The following SREK1 variants were observed in gnomAD, a reference collection of about 807,000 sequenced individuals.
SREK1 encodes the protein splicing regulatory glutamine/lysine-rich protein 1.
SREK1 carries 13 observed loss-of-function variants against 66.5 expected under a neutral mutation model. The observed-to-expected ratio is 0.20, with a 90% CI of 0.13 to 0.31. The LOEUF is 0.31. Among genes scored for constraint, SREK1 ranks in the 10% least tolerant of loss-of-function variants. SREK1 has a pLI of 1.00. For missense variants in SREK1, 607 were observed against 769.6 expected, an observed-to-expected ratio of 0.79 and a Z score of 2.50; for synonymous variants, 265 against 263.5, an observed-to-expected ratio of 1.01 and a Z score of -0.05.
At chr5:66,174,077 A>G (rs1745864177) in intron 9 of SREK1, among the ~76,000 whole-genome samples, 1 of 150,128 alleles carries the variant, frequency 6.7e-6, no homozygotes, top group Non-Finnish European at 1.5e-5. Context: ...CATGAATTCC[A>G]GAGGATTTGG....
intron 10 of SREK1, among the ~76,000 whole-genome samples, chr5:66,175,610 ATTG>A (rs1364724730): frequency 2.0e-5 from 3 of 152,176 alleles, no homozygotes; most frequent in Non-Finnish European, 4.4e-5. Context: ...AAGAAATGGC[ATTG>A]TTAAGTTAGA....
At chr5:66,163,506 T>G (rs1364389706) in intron 5 of SREK1, 5 of 236,550 alleles carry the variant, frequency 2.1e-5, no homozygotes, top group Non-Finnish European at 4.2e-5. Flanking sequence ...TAATTTATTT[T>G]AATTCTAAGC....
At chr5:66,146,507 T>C (rs1743204895) in intron 1 of SREK1, among the ~76,000 whole-genome samples, 1 of 152,150 alleles carries the variant, frequency 6.6e-6, no homozygotes. Context: ...GGTAGTGTAT[T>C]TCACAAACTG....
At chr5:66,163,589 T>C in intron 5 of SREK1, 1 of 402,122 alleles carries the variant, frequency 2.5e-6, no homozygotes, top group Non-Finnish European at 4.3e-6. Flanking sequence ...CTCCCTGCTT[T>C]TGGTTGTATT....
chr5:66,167,161 C>T (rs1745243894), intron 7 of SREK1: 1 of 152,188 alleles, frequency 6.6e-6, no homozygotes, highest in Admixed American at 6.5e-5. Context: ...TCCCAACCCT[C>T]CCCCACAGCC....
chr5:66,177,809 T>G, intron 11 of SREK1, 151 bp downstream of exon 11: 1 of 608,474 alleles, frequency 1.6e-6, no homozygotes, highest in Non-Finnish European at 2.5e-6. Context: ...AATTGGTAAT[T>G]TAAAAAAACT....
At chr5:66,177,031 T>A (rs1395957247) in intron 10 of SREK1, among the ~76,000 whole-genome samples, 1 of 152,112 alleles carries the variant, frequency 6.6e-6, no homozygotes, top group East Asian at 1.9e-4. Context: ...AACTTTTCTC[T>A]TATGAACTGA....
chr5:66,149,260 G>GA (rs1424991079), intron 1 of SREK1, among the ~76,000 whole-genome samples: 1 of 152,046 alleles, frequency 6.6e-6, no homozygotes, highest in Non-Finnish European at 1.5e-5. Context: ...GGCGGCAGGA[G>GA]AATCGCATGA....
intron 9 of SREK1, among the ~76,000 whole-genome samples, chr5:66,173,457 G>C (rs886739263): frequency 2.0e-5 from 3 of 152,106 alleles, no homozygotes; most frequent in African/African-American, 7.2e-5. Context: ...ATTATTAATT[G>C]TCTTTATTTT....
intron 3 of SREK1, 52 bp downstream of exon 3, chr5:66,159,386 C>A: frequency 7.0e-7 from 1 of 1,430,686 alleles, no homozygotes; most frequent in Non-Finnish European, 9.5e-7. Context: ...ACTGTGTGAC[C>A]AGTTGAATAG....
chr5:66,178,732 A>G lies in SREK1; in HGVS notation c.1739A>G (p.Asn580Ser), dbSNP rs140648529. 16,087 of 1,610,590 alleles carry G rather than the reference A, an allele frequency of 1.0e-2. 92 individuals carry two copies. The highest frequency in any genetic ancestry group is 0.012 in the Non-Finnish European group (13,964 of 1,177,800). Reference sequence around the variant, plus strand: ...TACTCATTGTAGGAGAAAGAGCACAATAAAGAACCAGATTCAAGTGTGAGC... The same window carrying G: ...TACTCATTGTAGGAGAAAGAGCACAGTAAAGAACCAGATTCAAGTGTGAGC... ...NSTSLKEKEH[N>S]KEPDSSVSKE... The change falls in exon 12 of 12, where the codon AAT becomes AGT. Residue 580 changes from asparagine (N) to serine (S), a missense_variant. Physicochemically the swap from Asn to Ser is conservative, Grantham distance 46 (BLOSUM62 1). Around this residue, in one of 5 missense-constraint regions of SREK1, gnomAD observed 318 missense variants for 310.3 expected, o/e 1.02. Coordinates refer to ENST00000334121, the MANE Select transcript of SREK1 (RefSeq NM_001077199.3).
At chr5:66,148,653 G>A (rs1371934804) in intron 1 of SREK1, among the ~76,000 whole-genome samples, 1 of 152,104 alleles carries the variant, frequency 6.6e-6, no homozygotes, top group East Asian at 1.9e-4. Flanking sequence ...GTAGAGACAG[G>A]ATTTCACCAT....
chr5:66,156,132 A>G, intron 2 of SREK1: 1 of 1,446,396 alleles, frequency 6.9e-7, no homozygotes, highest in Non-Finnish European at 9.1e-7. Flanking sequence ...CATGCCACTA[A>G]ACCTGCCGTC....
chr5:66,161,012 A>G (rs1744715887), intron 3 of SREK1, among the ~76,000 whole-genome samples: 1 of 152,244 alleles, frequency 6.6e-6, no homozygotes, highest in African/African-American at 2.4e-5. Flanking sequence ...AAGATCATTC[A>G]AAGTTTTTTT....
intron 2 of SREK1, chr5:66,156,973 A>C (rs747516671): frequency 1.6e-4 from 158 of 985,054 alleles, no homozygotes; most frequent in Non-Finnish European, 1.8e-4. Flanking sequence ...CTAAATGCTT[A>C]TTTGTTTTAT....
intron 1 of SREK1, among the ~76,000 whole-genome samples, chr5:66,150,911 G>A (rs1328326396): frequency 6.6e-6 from 1 of 151,970 alleles, no homozygotes; most frequent in Admixed American, 6.6e-5. Flanking sequence ...TGTGATCTCG[G>A]CTCACTGCAA....
chr5:66,164,224 T>G, intron 6 of SREK1: 1 of 305,404 alleles, frequency 3.3e-6, no homozygotes, highest in Non-Finnish European at 6.1e-6. Flanking sequence ...CTAAAAAGAG[T>G]ACATATATTT....
chr5:66,177,749 T>TA, intron 11 of SREK1, 91 bp downstream of exon 11: 1 of 1,056,782 alleles, frequency 9.5e-7, no homozygotes, highest in Non-Finnish European at 1.3e-6. Context: ...GGGAACAGTG[T>TA]CTTGTACATT....
chr5:66,162,539 T>G lies in SREK1; in HGVS notation c.702T>G (p.Ser234=), dbSNP rs370545545. 12 of 1,613,958 alleles carry G rather than the reference T, an allele frequency of 7.4e-6. No individual in the cohort carries two copies. Among genetic ancestry groups the G allele is most frequent in the African/African-American group, 2.7e-5 (2 of 74,924 alleles). The change falls in exon 5 of 12, where the codon TCT becomes TCG. Residue 234 remains serine (S), a synonymous_variant. Coordinates refer to ENST00000334121, the MANE Select transcript of SREK1 (RefSeq NM_001077199.3). ...TTGTGGAATTTGCAGACCAAAATTC[T>G]GTACCAAGGGCCCTTGCTTTTAATG... ...FAFVEFADQN[S]VPRALAFNGV...
Sources: gnomAD v4.1 joint callset for allele counts (sites outside exome capture counted in the v4.1 genomes callset) on GRCh38, gnomAD v4.1.1 for gene constraint, gnomAD v4.1.1 regional missense constraint, MANE v1.5 for transcripts, NCBI Gene and HGNC (gene_info 2026-07-23, HGNC 2026-07-21) for gene names.